The following SENP7 variants were observed in gnomAD, a reference collection of about 807,000 sequenced individuals.
SENP7 encodes the protein sentrin-specific protease 7.
SENP7 carries 64 observed loss-of-function variants against 141.2 expected under a neutral mutation model. That is an observed-to-expected ratio of 0.45 (90% confidence interval 0.37 to 0.56). SENP7 has a LOEUF of 0.56. Ranked by LOEUF, SENP7 falls within the 20% of genes least tolerant of loss-of-function variation. The pLI is 0.00. For missense variants in SENP7, 1,025 were observed against 1,212.2 expected (o/e 0.85, Z 2.29); for synonymous variants, 382 against 426.4 (o/e 0.90, Z 1.28).
chr3:101,463,374 T>TATATATATATATATATATAC (rs2063627193), intron 3 of SENP7, among the ~76,000 whole-genome samples: 19 of 85,952 alleles, frequency 2.2e-4, no homozygotes, highest in African/African-American at 2.7e-4. Flanking sequence ...AATATATATA[T>TATATATATATATATATATAC]ATATATATAT....
chr3:101,463,888 G>A (rs993591695), intron 3 of SENP7, among the ~76,000 whole-genome samples: 6 of 152,028 alleles, frequency 3.9e-5, no homozygotes, highest in South Asian at 2.1e-4. Flanking sequence ...GCAGTGGCGC[G>A]ATCTCGGCTC....
At position 101,407,835 on chromosome 3, in the gene SENP7, T is replaced by C. The variant is rs182125221; in HGVS notation, c.483-8780A>G. ...CCTTAAATGCCTACATCAGAAAGTCTGAAAGAGCACAGACAATCTAAGGTC... is the reference window on the plus strand; with the variant it reads ...CCTTAAATGCCTACATCAGAAAGTCCGAAAGAGCACAGACAATCTAAGGTC... On this transcript the variant is annotated intron_variant, in intron 5 of 23. Transcript: ENST00000394095. Among the ~76,000 whole-genome samples, 261 of 152,042 alleles carry C rather than the reference T, an allele frequency of 1.7e-3. 1 individual carries two copies. Among genetic ancestry groups the C allele is most frequent in the Non-Finnish European group, 3.0e-3 (203 of 67,956 alleles).
At chr3:101,491,650 T>C (rs913159967) in intron 3 of SENP7, among the ~76,000 whole-genome samples, 3 of 152,224 alleles carry the variant, frequency 2.0e-5, no homozygotes, top group African/African-American at 4.8e-5. Context: ...TGGTCTCCTT[T>C]ATTGTTTCCC....
intron 4 of SENP7, among the ~76,000 whole-genome samples, chr3:101,451,786 C>T (rs2063146344): frequency 6.6e-6 from 1 of 152,108 alleles, no homozygotes. Context: ...GGAAGCATTC[C>T]CTTTGAAAAC....
intron 6 of SENP7, among the ~76,000 whole-genome samples, chr3:101,384,897 G>C (rs1425090904): frequency 6.6e-6 from 1 of 152,220 alleles, no homozygotes; most frequent in Non-Finnish European, 1.5e-5. Context: ...ACAGTCTGTA[G>C]AACTGTGAGC....
intron 4 of SENP7, among the ~76,000 whole-genome samples, chr3:101,432,687 C>T (rs2062230020): frequency 6.6e-6 from 1 of 152,224 alleles, no homozygotes; most frequent in Non-Finnish European, 1.5e-5. Flanking sequence ...ACTATCAAGA[C>T]AGTATCTCTA....
At chr3:101,385,735 C>T (rs769412796) in intron 6 of SENP7, among the ~76,000 whole-genome samples, 3 of 152,164 alleles carry the variant, frequency 2.0e-5, no homozygotes, top group Non-Finnish European at 2.9e-5. Context: ...ATCTAGAGAA[C>T]CCAACAGCAA....
At position 101,367,776 on chromosome 3, in the gene SENP7, G is replaced by A. The variant is rs576477780; in HGVS notation, c.978+54C>T. 1.4e-4 allele frequency: 160 copies of A among 1,182,918 alleles called. 1 individual carries two copies. In the East Asian group the frequency reaches 4.1e-3, roughly 30 times the overall value. The allele number at this position is 1,182,918 out of a possible 1,614,324, so 73.3% of individuals were successfully genotyped here. A position where few individuals can be genotyped will look rare whatever the true frequency, so the allele number is the denominator to read the frequency against. ...AACATTATTTGGCCACAGTCAACTC[G>A]TTTTTATCATAGCATGAAATTATTT... On this transcript the variant is annotated intron_variant, in intron 8 of 23. Coordinates refer to ENST00000394095, the MANE Select transcript of SENP7 (RefSeq NM_020654.5).
intron 6 of SENP7, among the ~76,000 whole-genome samples, chr3:101,387,233 G>T (rs558829704): frequency 6.6e-6 from 1 of 151,948 alleles, no homozygotes; most frequent in Non-Finnish European, 1.5e-5. Context: ...GCTGTCCAGG[G>T]ATTAAAAAAA....
At chr3:101,484,893 G>C (rs1327748207) in intron 3 of SENP7, among the ~76,000 whole-genome samples, 2 of 152,026 alleles carry the variant, frequency 1.3e-5, no homozygotes, top group African/African-American at 4.8e-5. Context: ...CCTCAGACTG[G>C]AAACAGACTT....
chr3:101,426,790 T>C lies in SENP7; in HGVS notation c.285-9000A>G, dbSNP rs2061974536. ...AGCCATGGCACCCAGCCTAAGAAGA[T>C]TCTTTTCAGACAAGCAAATGCTGAG... On this transcript the variant is annotated intron_variant, in intron 4 of 23. Transcript: ENST00000394095. 1.3e-5 allele frequency among the ~76,000 whole-genome samples: 2 copies of C among 152,102 alleles called. 1 individual carries two copies. Among genetic ancestry groups the C allele is most frequent in the South Asian group, 4.1e-4 (2 of 4,834 alleles).
rs2061050390 is a variant in SENP7, at chr3:101,398,879, C to G, written c.659G>C (p.Ser220Thr). The change falls in exon 6 of 24, where the codon AGC (serine) becomes ACC (threonine). Residue 220 changes from serine to threonine, a missense_variant. By Grantham distance (58) the Ser-to-Thr change is moderately conservative. Coordinates refer to ENST00000394095, the MANE Select transcript of SENP7 (RefSeq NM_020654.5). ...AACATACCTTTCAGATAAATAACAG[C>G]TCTTGTGAGGGTTTAGATTTTGATA... The part of the protein sequence containing the change: ...ESYQNLNPHK[S>T]CYLSERGSQR... 6.2e-7 allele frequency: 1 copy of G among 1,600,032 alleles called. No homozygotes were observed. The highest frequency in any genetic ancestry group is 2.2e-5 in the East Asian group (1 of 44,598).
Position 101,351,600 on chromosome 3 carries a change from A to G in SENP7, c.1657+18T>C. The G allele has an allele frequency of 7.4e-7, 1 of 1,343,940 alleles. No homozygotes were observed. The highest frequency in any genetic ancestry group is 1.5e-5 in the African/African-American group (1 of 65,310). 83.3% of individuals were successfully genotyped at this position (1,343,940 alleles called of 1,614,324 possible). A position where few individuals can be genotyped will look rare whatever the true frequency, so the allele number is the denominator to read the frequency against. ...AACTATAGTAAAAAGACAAGTTCAT[A>G]AGAGAATGATAACTTACCTTGAAAT... is the stretch of plus-strand genomic sequence containing the variant. On this transcript the variant is annotated intron_variant, in intron 12 of 23. Transcript: ENST00000394095.
chr3:101,378,374 G>T (rs1395609843), intron 6 of SENP7, among the ~76,000 whole-genome samples: 2 of 151,950 alleles, frequency 1.3e-5, no homozygotes, highest in African/African-American at 4.8e-5. Flanking sequence ...GAATGAAAAA[G>T]AAATACTAAA....
intron 6 of SENP7, among the ~76,000 whole-genome samples, chr3:101,376,641 G>C (rs1015762330): frequency 6.6e-6 from 1 of 151,906 alleles, no homozygotes; most frequent in Non-Finnish European, 1.5e-5. Flanking sequence ...TTGTGGGGTG[G>C]GGGGAGCGGG....
rs772746358 is a variant in SENP7, at chr3:101,340,153, G to A, written c.2299C>T (p.Leu767=). 1.2e-6 allele frequency: 2 copies of A among 1,601,402 alleles called. No homozygotes were observed. The highest frequency in any genetic ancestry group is 2.2e-5 in the East Asian group (1 of 44,448). ...AACTCTCCTTCTTCTAAACACTCCA[G>A]ATCTTCATTAGTTACTCCTAATCCC... ...KGGLGVTNED[L]ECLEEGEFLN... The change falls in exon 16 of 24, where the codon CTG becomes TTG. Residue 767 remains leucine, a synonymous_variant. Transcript: ENST00000394095.
At chr3:101,350,233 A>C (rs1293959529) in intron 12 of SENP7, among the ~76,000 whole-genome samples, 1 of 152,202 alleles carries the variant, frequency 6.6e-6, no homozygotes, top group African/African-American at 2.4e-5. Context: ...AGGAAACATC[A>C]CATCAGTTCA....
At position 101,461,093 on chromosome 3, in the gene SENP7, CATT is replaced by C. The variant is rs539508434; in HGVS notation, c.187-2044_187-2042del. ...AAGCACATTAGAAGACACTCAGTGTCATTAGTCATTAGGAAATGCAAATCCAAA... is the reference window on the plus strand; with the variant it reads ...AAGCACATTAGAAGACACTCAGTGTCAGTCATTAGGAAATGCAAATCCAAA... On this transcript the variant is annotated intron_variant, in intron 3 of 23. Coordinates refer to ENST00000394095, the MANE Select transcript of SENP7 (RefSeq NM_020654.5). Among the ~76,000 whole-genome samples, 440 of 152,188 alleles carry C rather than the reference CATT, an allele frequency of 2.9e-3. 2 individuals are homozygous for C. The highest frequency in any genetic ancestry group is 9.4e-3 in the African/African-American group (390 of 41,544).
At position 101,361,842 on chromosome 3, in the gene SENP7, G is replaced by A. The variant is rs2059910818; in HGVS notation, c.1496C>T (p.Pro499Leu). The A allele has an allele frequency of 1.9e-6, 3 of 1,604,272 alleles. No homozygotes were observed. Among genetic ancestry groups the A allele is most frequent in the Non-Finnish European group, 8.5e-7 (1 of 1,176,732 alleles). The change falls in exon 11 of 24, where the codon CCA becomes CTA. Residue 499 changes from proline (P) to leucine (L), a missense_variant. By Grantham distance (98) the Pro-to-Leu change is moderately conservative. This residue lies in a region of SENP7 where 228 missense variants were observed against 228.5 expected (regional missense o/e 1.00). Transcript: ENST00000394095. ...ESVQMSSELC[P>L]YNPVMENISS... Reference sequence around the variant, plus strand: ...AATGTTCTCCATGACAGGATTATATGGGCATAATTCAGATGACATCTAACA... The same window carrying A: ...AATGTTCTCCATGACAGGATTATATAGGCATAATTCAGATGACATCTAACA...
Sources: allele counts gnomAD v4.1 joint callset (sites outside exome capture counted in the v4.1 genomes callset), GRCh38; gene constraint gnomAD v4.1.1; regional missense constraint gnomAD v4.1.1; transcripts MANE v1.5; gene names NCBI Gene and HGNC (gene_info 2026-07-23, HGNC 2026-07-21).